Variants in NAALADL2 observed in about 807,000 individuals in gnomAD.
NAALADL2 encodes N-acetylated alpha-linked acidic dipeptidase like 2, also known as inactive N-acetylated-alpha-linked acidic dipeptidase-like protein 2.
A neutral mutation model predicts 87.2 loss-of-function variants in NAALADL2; 76 were observed. That is an observed-to-expected ratio of 0.87 (90% CI 0.72 to 1.05). The LOEUF (loss-of-function observed/expected upper bound fraction) is 1.05. Among genes scored for constraint, NAALADL2 ranks in the 50% least tolerant of loss-of-function variants. The pLI, the probability that NAALADL2 is intolerant of heterozygous loss-of-function variation, is 0.00. For synonymous variants in NAALADL2, 354 were observed against 331.0 expected, an observed-to-expected ratio of 1.07 and a Z score of -0.75; for missense variants, 1,089 against 945.8, an observed-to-expected ratio of 1.15 and a Z score of -1.99.
Position 174,593,295 on chromosome 3 carries a change from A to G in NAALADL2, c.-115+42658A>G, listed in dbSNP as rs138627722. Among the ~76,000 whole-genome samples the G allele has an allele frequency of 6.4e-3, 972 of 152,278 alleles. 9 individuals are homozygous for G. The highest frequency in any genetic ancestry group is 0.022 in the African/African-American group (910 of 41,570). On this transcript the variant is annotated intron_variant, in intron 2 of 3. Transcript: ENST00000434257. ...CAGAGTTGAAATGTATAACAGAGTA[A>G]CTATTAGCGAATATTTTCTTGTGGT...
At chr3:175,337,920 A>G (rs1237702586) in intron 5 of NAALADL2, among the ~76,000 whole-genome samples, 7 of 152,304 alleles carry the variant, frequency 4.6e-5, no homozygotes, top group African/African-American at 1.7e-4. Flanking sequence ...TCATTTGGAC[A>G]AGTTAGTATA....
At chr3:174,466,826 A>G (rs1716560285) in intron 1 of NAALADL2, among the ~76,000 whole-genome samples, 1 of 152,140 alleles carries the variant, frequency 6.6e-6, no homozygotes, top group African/African-American at 2.4e-5. Context: ...TACACGAGAC[A>G]TTTGTTTACC....
At position 175,810,300 on chromosome 3, in the gene NAALADL2, TCTTA is replaced by T. The variant is rs374770971; in HGVS notation, c.*7102_*7105del. 5.3e-5 allele frequency: 8 copies of T among 152,042 alleles called. No individual in the cohort carries two copies. Among genetic ancestry groups the T allele is most frequent in the African/African-American group, 1.9e-4 (8 of 41,430 alleles). The allele number at this position is 152,042 out of a possible 1,614,324, so 9.4% of individuals were successfully genotyped here. A position where few individuals can be genotyped will look rare whatever the true frequency, so the allele number is the denominator to read the frequency against. The stretch of plus-strand genomic sequence containing the variant: ...TGTTACTTACATGACTCAATATGCA[TCTTA>T]CTTAAGAAATTATGTTGTGATCTGG... On this transcript the variant is annotated 3_prime_UTR_variant, in exon 14 of 14. Coordinates refer to ENST00000454872, the MANE Select transcript of NAALADL2 (RefSeq NM_207015.3).
chr3:175,669,535 A>G (rs1052215042), intron 11 of NAALADL2, among the ~76,000 whole-genome samples: 1 of 152,116 alleles, frequency 6.6e-6, no homozygotes, highest in Non-Finnish European at 1.5e-5. Context: ...TATATAAAAT[A>G]TTCAGTAAAT....
intron 1 of NAALADL2, among the ~76,000 whole-genome samples, chr3:174,515,192 A>G (rs1297523049): frequency 2.0e-5 from 3 of 152,162 alleles, no homozygotes; most frequent in African/African-American, 7.2e-5. Flanking sequence ...ATAGGAGGAT[A>G]TGAATATAGT....
chr3:174,987,185 T>A (rs898379690), intron 1 of NAALADL2, among the ~76,000 whole-genome samples: 1 of 152,096 alleles, frequency 6.6e-6, no homozygotes, highest in African/African-American at 2.4e-5. Flanking sequence ...TATGATAAAA[T>A]AACCAAAAAT....
chr3:175,184,787 G>A (rs1294401232), intron 2 of NAALADL2, among the ~76,000 whole-genome samples: 6 of 151,994 alleles, frequency 3.9e-5, no homozygotes, highest in African/African-American at 1.4e-4. Context: ...GCAAGTTACC[G>A]AACCTCTGAT....
intron 10 of NAALADL2, among the ~76,000 whole-genome samples, chr3:175,619,236 A>AAAGGAAGGAAGGAAGGAAGGAAGG (rs1553933925): frequency 4.9e-5 from 7 of 142,410 alleles, no homozygotes; most frequent in African/African-American, 1.6e-4. Context: ...AGAAAGAAAG[A>AAAGGAAGGAAGGAAGGAAGGAAGG]AAGGAAGGAA....
intron 2 of NAALADL2, among the ~76,000 whole-genome samples, chr3:175,223,992 G>A (rs1038081531): frequency 1.3e-5 from 2 of 152,136 alleles, no homozygotes; most frequent in East Asian, 3.8e-4. Flanking sequence ...GAAACTGAGG[G>A]TGGACAATTA....
intron 11 of NAALADL2, among the ~76,000 whole-genome samples, chr3:175,639,318 CTTT>C (rs756214274): frequency 1.7e-4 from 18 of 108,718 alleles, no homozygotes; most frequent in African/African-American, 5.4e-4. Flanking sequence ...AAGCGTTATT[CTTT>C]TTTTTTTTTT....
At chr3:175,670,691 G>A (rs1288757590) in intron 11 of NAALADL2, among the ~76,000 whole-genome samples, 1 of 150,308 alleles carries the variant, frequency 6.7e-6, no homozygotes, top group African/African-American at 2.4e-5. Context: ...TTGTTTAAAT[G>A]AAATAATAAG....
chr3:175,380,622 G>A (rs190928286), intron 5 of NAALADL2, among the ~76,000 whole-genome samples: 2 of 152,188 alleles, frequency 1.3e-5, no homozygotes, highest in Admixed American at 1.3e-4. Flanking sequence ...CCCATACCAT[G>A]CTGTATTTTA....
At chr3:175,609,306 A>G (rs1431975180) in intron 10 of NAALADL2, among the ~76,000 whole-genome samples, 1 of 152,094 alleles carries the variant, frequency 6.6e-6, no homozygotes, top group Non-Finnish European at 1.5e-5. Flanking sequence ...TATAAATAAG[A>G]CCTCCATTTA....
chr3:174,878,058 A>G (rs982718745), intron 1 of NAALADL2, among the ~76,000 whole-genome samples: 6 of 152,102 alleles, frequency 3.9e-5, no homozygotes, highest in African/African-American at 1.4e-4. Flanking sequence ...GAAAACAGTG[A>G]TATACATGGA....
intron 3 of NAALADL2, among the ~76,000 whole-genome samples, chr3:174,820,442 G>T (rs1217620549): frequency 1.3e-5 from 2 of 151,998 alleles, no homozygotes; most frequent in African/African-American, 2.4e-5. Context: ...TAATTTATCA[G>T]AATTTCTATG....
chr3:174,863,667 T>G (rs1726794682), intron 1 of NAALADL2: 1 of 158,318 alleles, frequency 6.3e-6, no homozygotes, highest in East Asian at 1.9e-4. Flanking sequence ...TACTCCAACC[T>G]GTTATACTGG....
intron 2 of NAALADL2, among the ~76,000 whole-genome samples, chr3:174,651,130 A>T (rs553894377): frequency 6.6e-6 from 1 of 152,286 alleles, no homozygotes; most frequent in East Asian, 1.9e-4. Flanking sequence ...TATCATTTAG[A>T]ATATGATTTG....
intron 1 of NAALADL2, among the ~76,000 whole-genome samples, chr3:174,979,010 A>C (rs1249377689): frequency 1.3e-5 from 2 of 152,158 alleles, no homozygotes; most frequent in Non-Finnish European, 2.9e-5. Flanking sequence ...TTTGGGTGAA[A>C]GGAGCCAGGA....
At chr3:175,422,625 C>T (rs73033656) in intron 5 of NAALADL2, among the ~76,000 whole-genome samples, 3,565 of 151,974 alleles carry the variant, frequency 0.023, 137 homozygotes, top group African/African-American at 0.081. Context: ...TAAACCAGAA[C>T]GTGATGTGCA....
Sources: allele counts gnomAD v4.1 joint callset (sites outside exome capture counted in the v4.1 genomes callset), GRCh38; gene constraint gnomAD v4.1.1; transcripts MANE v1.5; gene names NCBI Gene and HGNC (gene_info 2026-07-23, HGNC 2026-07-21).